Variants in KCTD8 observed in about 807,000 individuals in gnomAD.
KCTD8 encodes potassium channel tetramerization domain containing 8, also known as BTB/POZ domain-containing protein KCTD8.
A neutral mutation model predicts 31.5 loss-of-function variants in KCTD8; 27 were observed. That is an observed-to-expected ratio of 0.86 (90% CI 0.63 to 1.18). The LOEUF is 1.18. Among genes scored for constraint, KCTD8 ranks in the 50% most tolerant of loss-of-function variants. The pLI is 0.00. For missense variants in KCTD8, 658 were observed against 647.7 expected, an observed-to-expected ratio of 1.02 and a Z score of -0.17; for synonymous variants, 290 against 280.0, an observed-to-expected ratio of 1.04 and a Z score of -0.36.
At chr4:44,191,521 T>C (rs925108675) in intron 1 of KCTD8, among the ~76,000 whole-genome samples, 1 of 152,148 alleles carries the variant, frequency 6.6e-6, no homozygotes, top group South Asian at 2.1e-4. Flanking sequence ...ATTCTTTTAC[T>C]AGCAAGGAAT....
intron 1 of KCTD8, among the ~76,000 whole-genome samples, chr4:44,352,121 T>A (rs1344963603): frequency 2.6e-5 from 4 of 152,066 alleles, no homozygotes; most frequent in Non-Finnish European, 5.9e-5. Flanking sequence ...TGTGGATGAG[T>A]GCCAGGATTC....
At chr4:44,348,151 A>G (rs1471525868) in intron 1 of KCTD8, among the ~76,000 whole-genome samples, 2 of 152,206 alleles carry the variant, frequency 1.3e-5, no homozygotes. Context: ...ACAAAAAAGA[A>G]CATGCAACTT....
intron 1 of KCTD8, among the ~76,000 whole-genome samples, chr4:44,366,826 T>C (rs1719651846): frequency 6.6e-6 from 1 of 152,174 alleles, no homozygotes; most frequent in African/African-American, 2.4e-5. Context: ...TCCCACCGTA[T>C]GGCAGGTGGG....
At chr4:44,288,315 T>C (rs1052367171) in intron 1 of KCTD8, among the ~76,000 whole-genome samples, 2 of 152,136 alleles carry the variant, frequency 1.3e-5, no homozygotes, top group Admixed American at 6.6e-5. Context: ...TTGACAACTA[T>C]GCAAGAGATT....
rs538270813 is a variant in KCTD8, at chr4:44,340,931, T to C, written c.961+106632A>G. ...GATAGGATTGTATATTATATGAATG[T>C]ATTATATATATAACATATATAAAAT... On this transcript the variant is annotated intron_variant, in intron 1 of 1. Transcript: ENST00000360029. Among the ~76,000 whole-genome samples the C allele has an allele frequency of 2.6e-5, 4 of 151,796 alleles. No homozygotes were observed. In the South Asian group the frequency reaches 8.3e-4, roughly 31 times the overall value.
chr4:44,426,208 A>T (rs16856915), intron 1 of KCTD8, among the ~76,000 whole-genome samples: 19,874 of 151,790 alleles, frequency 0.13, 2,625 homozygotes, highest in African/African-American at 0.33. Context: ...TTAGAAAAAA[A>T]TCGAGCCAAT....
At chr4:44,316,992 C>A (rs1016502405) in intron 1 of KCTD8, among the ~76,000 whole-genome samples, 4 of 148,538 alleles carry the variant, frequency 2.7e-5, no homozygotes, top group Non-Finnish European at 6.0e-5. Context: ...ACAACAACAA[C>A]AAATAAAATA....
intron 1 of KCTD8, among the ~76,000 whole-genome samples, chr4:44,212,922 CTTTGTTTT>C (rs1385832416): frequency 1.1e-4 from 17 of 151,738 alleles, no homozygotes; most frequent in African/African-American, 2.9e-4. Flanking sequence ...CTTCTTTTGT[CTTTGTTTT>C]TTTGTTTGTT....
At chr4:44,276,882 G>A (rs1716766316) in intron 1 of KCTD8, among the ~76,000 whole-genome samples, 2 of 151,946 alleles carry the variant, frequency 1.3e-5, no homozygotes, top group African/African-American at 4.8e-5. Context: ...AAGAATGGGA[G>A]TGTTTAAAAA....
chr4:44,361,142 T>G (rs2109430342), intron 1 of KCTD8, among the ~76,000 whole-genome samples: 1 of 152,128 alleles, frequency 6.6e-6, no homozygotes, highest in Non-Finnish European at 1.5e-5. Flanking sequence ...AACTCTCGGG[T>G]TCATTTACCA....
intron 1 of KCTD8, among the ~76,000 whole-genome samples, chr4:44,266,344 G>C (rs1716362202): frequency 6.6e-6 from 1 of 152,036 alleles, no homozygotes. Context: ...AGCAAATGCT[G>C]AGAGATTTTG....
chr4:44,347,027 G>T (rs1279111099), intron 1 of KCTD8, among the ~76,000 whole-genome samples: 1 of 152,134 alleles, frequency 6.6e-6, no homozygotes, highest in Non-Finnish European at 1.5e-5. Context: ...ACGTTATATT[G>T]AATGATACTA....
chr4:44,374,717 G>C (rs1719875147), intron 1 of KCTD8, among the ~76,000 whole-genome samples: 1 of 152,268 alleles, frequency 6.6e-6, no homozygotes, highest in Non-Finnish European at 1.5e-5. Flanking sequence ...GGGGGAGGCT[G>C]ATTGGTGGAG....
intron 1 of KCTD8, among the ~76,000 whole-genome samples, chr4:44,273,946 A>G (rs945378831): frequency 2.0e-5 from 3 of 151,868 alleles, no homozygotes; most frequent in East Asian, 1.9e-4. Context: ...TAAAACTTCT[A>G]TTTCTTTTAA....
At chr4:44,271,950 G>C (rs1051253047) in intron 1 of KCTD8, among the ~76,000 whole-genome samples, 1 of 151,810 alleles carries the variant, frequency 6.6e-6, no homozygotes, top group African/African-American at 2.4e-5. Flanking sequence ...CGCTGGGTTA[G>C]GGTCTCCCCA....
chr4:44,338,912 A>T (rs1718824133), intron 1 of KCTD8, among the ~76,000 whole-genome samples: 1 of 152,186 alleles, frequency 6.6e-6, no homozygotes, highest in Non-Finnish European at 1.5e-5. Context: ...ACACACATGA[A>T]AATAAGTATA....
chr4:44,209,473 T>G lies in KCTD8; in HGVS notation c.962-34223A>C, dbSNP rs1714414926. Among the ~76,000 whole-genome samples the G allele has an allele frequency of 3.3e-5, 5 of 151,818 alleles. No individual in the cohort carries two copies. In the South Asian group the frequency reaches 1.0e-3, roughly 32 times the overall value. On this transcript the variant is annotated intron_variant, in intron 1 of 1. Transcript: ENST00000360029. ...CTGTTTCTCTCACCATGTATAGAGA[T>G]GAAGGTAGATATAGCTACACACATA...
chr4:44,328,917 C>T (rs371325303), intron 1 of KCTD8, among the ~76,000 whole-genome samples: 1 of 151,782 alleles, frequency 6.6e-6, no homozygotes, highest in East Asian at 1.9e-4. Context: ...GGTTCCAGTC[C>T]CCATTCGGTA....
intron 1 of KCTD8, among the ~76,000 whole-genome samples, chr4:44,353,489 T>C (rs1404361970): frequency 6.6e-6 from 1 of 152,054 alleles, no homozygotes; most frequent in Non-Finnish European, 1.5e-5. Flanking sequence ...AATTCTACTC[T>C]ATTATCTTTA....
Sources: allele counts gnomAD v4.1 joint callset (sites outside exome capture counted in the v4.1 genomes callset), GRCh38; gene constraint gnomAD v4.1.1; transcripts MANE v1.5; gene names NCBI Gene and HGNC (gene_info 2026-07-23, HGNC 2026-07-21).